The following PFKFB1 variants were observed in gnomAD, a reference collection of about 807,000 sequenced individuals.
PFKFB1 encodes 6-phosphofructo-2-kinase/fructose-2,6-biphosphatase 1.
Under a neutral mutation model 46.4 loss-of-function variants are expected in PFKFB1, and 34 were observed. That is an observed-to-expected ratio of 0.73 (90% confidence interval 0.56 to 0.98). The LOEUF (loss-of-function observed/expected upper bound fraction) is 0.98. PFKFB1 is among the 50% of genes least tolerant of loss of function. The probability of loss-of-function intolerance (pLI) is 0.00; values close to 1 mark genes in which losing one functional copy is unlikely to be tolerated. For synonymous variants in PFKFB1, 119 were observed against 133.8 expected (o/e 0.89, Z 0.76); for missense variants, 393 against 376.3 (o/e 1.04, Z -0.37).
At chrX:54,933,540 T>C in intron 13 of PFKFB1, 78 bp from the exon 14 acceptor site, 4 of 830,282 alleles carry the variant, frequency 4.8e-6, no homozygotes, top group East Asian at 3.2e-5. Context: ...CTTGTCTTCA[T>C]TGCCAGGCTC....
At chrX:54,987,464 T>C (rs1935138052) in intron 1 of PFKFB1, among the ~76,000 whole-genome samples, 1 of 111,149 alleles carries the variant, frequency 9.0e-6, no homozygotes, top group African/African-American at 3.3e-5. Context: ...GCTACCAAAG[T>C]TAGGCACATA....
At chrX:54,982,667 C>A (rs1935024473) in intron 1 of PFKFB1, among the ~76,000 whole-genome samples, 1 of 110,951 alleles carries the variant, frequency 9.0e-6, no homozygotes, top group Non-Finnish European at 1.9e-5. Flanking sequence ...GGGACTTGAG[C>A]ATTCATGGAT....
At chrX:54,962,803 A>T (rs1270420187) in intron 2 of PFKFB1, among the ~76,000 whole-genome samples, 1 of 111,934 alleles carries the variant, frequency 8.9e-6, no homozygotes, top group Non-Finnish European at 1.9e-5. Flanking sequence ...AATCAAATAG[A>T]CCTGGGTTCA....
intron 1 of PFKFB1, among the ~76,000 whole-genome samples, chrX:54,992,395 T>C (rs1014155910): frequency 2.7e-5 from 3 of 112,230 alleles, no homozygotes; most frequent in African/African-American, 9.7e-5. Flanking sequence ...TGTTATTAAC[T>C]TCCTTTTACA....
At chrX:54,943,145 T>A (rs1304761996) in intron 10 of PFKFB1, among the ~76,000 whole-genome samples, 1 of 111,858 alleles carries the variant, frequency 8.9e-6, no homozygotes, top group East Asian at 2.8e-4. Flanking sequence ...GAAGTCTCAC[T>A]AATCCCAAGC....
At chrX:54,976,393 G>A (rs776833100) in intron 1 of PFKFB1, among the ~76,000 whole-genome samples, 165 of 111,264 alleles carry the variant, frequency 1.5e-3, no homozygotes, top group Non-Finnish European at 1.2e-3. Context: ...ATCAATCATT[G>A]GGAAAATGAA....
chrX:54,948,947 G>T, intron 9 of PFKFB1, 128 bp downstream of exon 9: 1 of 683,115 alleles, frequency 1.5e-6, no homozygotes, highest in Non-Finnish European at 2.3e-6. Context: ...TCTAGCACAT[G>T]GCTAGTTGTC....
In PFKFB1 at chrX:54,952,023, T is replaced by C. The variant is rs1381855192; in HGVS notation, c.728A>G (p.Tyr243Cys). 1 of 1,208,707 alleles carries C rather than the reference T, an allele frequency of 8.3e-7. No individual in the cohort carries two copies. Among genetic ancestry groups the C allele is most frequent in the Non-Finnish European group, 1.1e-6 (1 of 894,064 alleles). Residue 243 changes from tyrosine to cysteine, a missense_variant, in exon 8 of 14, where the codon TAC (tyrosine) becomes TGC (cysteine). Physicochemically the swap from Tyr to Cys is radical, Grantham distance 194. Transcript: ENST00000375006. Reference protein sequence around the residue: ...QDHIQSRTVYYLMNIHVTPRS... With the variant: ...QDHIQSRTVYCLMNIHVTPRS... Reference sequence around the variant, plus strand: ...AGGTGTGACATGGATATTCATGAGGTAGTAGACTGTGCGGCTCTGGATGTG... The same window carrying C: ...AGGTGTGACATGGATATTCATGAGGCAGTAGACTGTGCGGCTCTGGATGTG...
chrX:54,935,679 G>A (rs1372803347), intron 11 of PFKFB1, among the ~76,000 whole-genome samples: 2 of 111,836 alleles, frequency 1.8e-5, no homozygotes, highest in Non-Finnish European at 3.8e-5. Flanking sequence ...CTCTCCGCAA[G>A]TCACACAGCC....
chrX:54,943,058 G>A (rs181043439), intron 10 of PFKFB1, among the ~76,000 whole-genome samples: 29 of 111,786 alleles, frequency 2.6e-4, no homozygotes, highest in African/African-American at 8.8e-4. Context: ...ATAATAGAAT[G>A]TGAGAGATGA....
chrX:54,951,050 G>A (rs1933958061), intron 8 of PFKFB1, among the ~76,000 whole-genome samples: 1 of 113,204 alleles, frequency 8.8e-6, no homozygotes, highest in Non-Finnish European at 1.9e-5. Context: ...CTGTGCATAG[G>A]TGTCCAATAA....
chrX:54,988,834 T>C (rs910555749), intron 1 of PFKFB1, among the ~76,000 whole-genome samples: 1 of 111,844 alleles, frequency 8.9e-6, no homozygotes, highest in Admixed American at 9.5e-5. Context: ...ATGCAAATAT[T>C]AACTCAGAAT....
At chrX:54,951,831 G>T in intron 8 of PFKFB1, 74 bp downstream of exon 8, 1 of 865,326 alleles carries the variant, frequency 1.2e-6, no homozygotes, top group Non-Finnish European at 1.7e-6. Flanking sequence ...GACCCAGAAT[G>T]TGGCCACCAC....
intron 8 of PFKFB1, among the ~76,000 whole-genome samples, chrX:54,951,020 G>A (rs1035281473): frequency 8.8e-5 from 10 of 113,177 alleles, no homozygotes; most frequent in African/African-American, 1.3e-4. Context: ...CCACACATGC[G>A]GAAGCAGATG....
At chrX:54,965,530 G>C in intron 1 of PFKFB1, among the ~76,000 whole-genome samples, 1 of 111,600 alleles carries the variant, frequency 9.0e-6, no homozygotes, top group East Asian at 2.8e-4. Flanking sequence ...CTCAACATCA[G>C]CAGACTGTCT....
intron 12 of PFKFB1, among the ~76,000 whole-genome samples, chrX:54,934,529 C>T (rs112807611): frequency 1.7e-4 from 19 of 111,697 alleles, no homozygotes; most frequent in Admixed American, 2.8e-4. Context: ...GCCCTGTTCG[C>T]ACCCCAGAAT....
chrX:54,978,076 G>A (rs1934884156), intron 1 of PFKFB1, among the ~76,000 whole-genome samples: 1 of 110,044 alleles, frequency 9.1e-6, no homozygotes, highest in Non-Finnish European at 1.9e-5. Flanking sequence ...TGCATGTGGA[G>A]GGGAGGAAGG....
chrX:54,972,602 G>A (rs1327712189), intron 1 of PFKFB1, among the ~76,000 whole-genome samples: 1 of 111,440 alleles, frequency 9.0e-6, no homozygotes, highest in Non-Finnish European at 1.9e-5. Flanking sequence ...TAATCATGTG[G>A]TTTTTGTCTT....
Position 54,941,026 on chromosome X carries a change from G to A in PFKFB1, c.1099-3302C>T, listed in dbSNP as rs763130289. Among the ~76,000 whole-genome samples the A allele has an allele frequency of 2.4e-3, 271 of 111,794 alleles. 3 individuals carry two copies. Among genetic ancestry groups the A allele is most frequent in the Non-Finnish European group, 4.0e-4 (21 of 53,151 alleles). ...CCTACAGTAACCAAAACAGCATGGT[G>A]CTGGTACCAAAACAGAGATATAGAC... On this transcript the variant is annotated intron_variant, in intron 10 of 13. Transcript: ENST00000375006.
Sources: allele counts gnomAD v4.1 joint callset (sites outside exome capture counted in the v4.1 genomes callset), GRCh38; gene constraint gnomAD v4.1.1; transcripts MANE v1.5; gene names NCBI Gene and HGNC (gene_info 2026-07-23, HGNC 2026-07-21).